Variants in GAS2L3 observed in about 807,000 individuals in gnomAD.
GAS2L3 encodes GAS2-like protein 3.
Under a neutral mutation model 37.0 loss-of-function variants are expected in GAS2L3, and 28 were observed. That is an observed-to-expected ratio of 0.76 (90% CI 0.56 to 1.04). The LOEUF (loss-of-function observed/expected upper bound fraction) is 1.04, where lower values mean the gene tolerates loss of function less well. Among genes scored for constraint, GAS2L3 ranks in the 50% least tolerant of loss-of-function variants. GAS2L3 has a pLI of 0.00. For missense variants in GAS2L3, 793 were observed against 817.6 expected (o/e 0.97, Z 0.37); for synonymous variants, 290 against 296.6 (o/e 0.98, Z 0.23).
chr12:100,602,065 A>T (rs1238182647), intron 5 of GAS2L3, among the ~76,000 whole-genome samples: 1 of 152,164 alleles, frequency 6.6e-6, no homozygotes, highest in African/African-American at 2.4e-5. Flanking sequence ...AGTGTCTAAC[A>T]TAGTGCTTGA....
At chr12:100,580,228 T>C (rs1263246270) in intron 1 of GAS2L3, 14 of 617,736 alleles carry the variant, frequency 2.3e-5, no homozygotes, top group Non-Finnish European at 4.1e-5. Context: ...ATTTTAAACA[T>C]TTGTAATAGT....
intron 8 of GAS2L3, among the ~76,000 whole-genome samples, chr12:100,619,409 C>T (rs1256908488): frequency 1.3e-5 from 2 of 151,874 alleles, no homozygotes; most frequent in African/African-American, 2.4e-5. Context: ...GTTGTTTGGA[C>T]TGTAGCATTT....
Position 100,622,266 on chromosome 12 carries a change from T to G in GAS2L3, c.649-9T>G, listed in dbSNP as rs766507047. 2 of 1,458,304 alleles carry G rather than the reference T, an allele frequency of 1.4e-6. No homozygotes were observed. The highest frequency in any genetic ancestry group is 1.9e-6 in the Non-Finnish European group (2 of 1,050,286). 90.3% of individuals were successfully genotyped at this position (1,458,304 alleles called of 1,614,324 possible). A position where few individuals can be genotyped will look rare whatever the true frequency, so the allele number is the denominator to read the frequency against. ...ACAAGCACTAAATTTTATTTGTTCG[T>G]CATCTTAGGTTAAACATATTGCTGA... On this transcript the variant is annotated splice_polypyrimidine_tract_variant and intron_variant, in intron 8 of 9. Transcript: ENST00000547754.
chr12:100,623,146 T>C (rs1956280161), intron 9 of GAS2L3, among the ~76,000 whole-genome samples: 2 of 152,202 alleles, frequency 1.3e-5, no homozygotes, highest in South Asian at 4.1e-4. Context: ...TTCTTTTAAT[T>C]AGCTTTCTGT....
chr12:100,613,084 A>G (rs892246245), intron 6 of GAS2L3, among the ~76,000 whole-genome samples: 1 of 152,190 alleles, frequency 6.6e-6, no homozygotes, highest in Non-Finnish European at 1.5e-5. Flanking sequence ...AGATGGGCTG[A>G]TCATTATTGA....
In GAS2L3 at chr12:100,612,136, G is replaced by A; in HGVS notation, c.440G>A (p.Gly147Asp). ...GAAACTTACCTCTTTGAATCTGAAG[G>A]TTTAGGTAAGTGATGTTCTTGTCAT... ...VDETYLFESE[G>D]LVLHKDPRQV... The change falls in exon 6 of 10, where the codon GGT (glycine) becomes GAT (aspartate). Residue 147 changes from glycine (G) to aspartate (D), a missense_variant. Gly to Asp is a moderately conservative substitution (Grantham distance 94). Transcript: ENST00000547754. 6.2e-7 allele frequency: 1 copy of A among 1,612,720 alleles called. No homozygotes were observed. The highest frequency in any genetic ancestry group is 8.5e-7 in the Non-Finnish European group (1 of 1,178,920).
Position 100,623,996 on chromosome 12 carries a change from T to C in GAS2L3, c.1191T>C (p.Ala397=). Residue 397 remains alanine, a synonymous_variant, in exon 10 of 10, where the codon GCT becomes GCC. Coordinates refer to ENST00000547754, the MANE Select transcript of GAS2L3 (RefSeq NM_174942.3). ...SSKGITKKPQ[A]PSNNASSSLA... ...AAGGCATAACGAAGAAACCGCAGGC[T>C]CCTTCAAACAATGCATCATCTTCAC... 6.2e-7 allele frequency: 1 copy of C among 1,613,950 alleles called. No individual in the cohort carries two copies. The highest frequency in any genetic ancestry group is 8.5e-7 in the Non-Finnish European group (1 of 1,179,958).
rs139542793 is a variant in GAS2L3, at chr12:100,606,724, C to T, written c.303+4971C>T. 2.3e-3 allele frequency among the ~76,000 whole-genome samples: 343 copies of T among 151,962 alleles called. 4 individuals carry two copies. In the East Asian group the frequency reaches 0.025, roughly 11 times the overall value. ...ATAACCCATTATTTTAAACTGATTA[C>T]GTAAGCAAATGAACTATTAATAGCA... On this transcript the variant is annotated intron_variant, in intron 5 of 9. Transcript: ENST00000547754.
chr12:100,587,791 G>A (rs187780439), intron 1 of GAS2L3, among the ~76,000 whole-genome samples: 14 of 152,306 alleles, frequency 9.2e-5, no homozygotes, highest in African/African-American at 1.7e-4. Context: ...GGTGGCTCAC[G>A]CCTGTAATCC....
rs534949148 is a variant in GAS2L3, at chr12:100,586,563, C to T, written c.-151-5173C>T. Among the ~76,000 whole-genome samples, 7 of 152,278 alleles carry T rather than the reference C, an allele frequency of 4.6e-5. No homozygotes were observed. In the South Asian group the frequency reaches 8.3e-4, roughly 18 times the overall value. ...GTAGTGACACAACCTATCAAAACCT[C>T]TAGGATACAGCAAAGGCGGTGCTAA... On this transcript the variant is annotated intron_variant, in intron 1 of 9. Coordinates refer to ENST00000547754, the MANE Select transcript of GAS2L3 (RefSeq NM_174942.3).
chr12:100,623,558 G>T lies in GAS2L3; in HGVS notation c.757-4G>T. Reference sequence around the variant, plus strand: ...CTTTACTTTTTGTTTTCCTTTGGGGGCAGATGCTTCATGGAAAACATGTCA... The same window carrying T: ...CTTTACTTTTTGTTTTCCTTTGGGGTCAGATGCTTCATGGAAAACATGTCA... On this transcript the variant is annotated splice_region_variant and splice_polypyrimidine_tract_variant and intron_variant, in intron 9 of 9. Coordinates refer to ENST00000547754, the MANE Select transcript of GAS2L3 (RefSeq NM_174942.3). 1.3e-6 allele frequency: 2 copies of T among 1,589,280 alleles called. No individual in the cohort carries two copies. The highest frequency in any genetic ancestry group is 1.7e-6 in the Non-Finnish European group (2 of 1,169,588).
Position 100,602,824 on chromosome 12 carries a change from G to A in GAS2L3, c.303+1071G>A, listed in dbSNP as rs1250662730. ...CAACCCTTCCCAGCCTCTGCTAACC[G>A]TCCTTCTACTATCTCCGTGAGTTCA... On this transcript the variant is annotated intron_variant, in intron 5 of 9. Coordinates refer to ENST00000547754, the MANE Select transcript of GAS2L3 (RefSeq NM_174942.3). 4.0e-5 allele frequency among the ~76,000 whole-genome samples: 6 copies of A among 151,886 alleles called. No homozygotes were observed. The South Asian group carries it at 6.2e-4, about 16-fold the overall frequency.
intron 5 of GAS2L3, among the ~76,000 whole-genome samples, chr12:100,610,697 A>G (rs1956116977): frequency 6.6e-6 from 1 of 152,180 alleles, no homozygotes; most frequent in African/African-American, 2.4e-5. Flanking sequence ...TTAATATCCT[A>G]CTGTACCTAC....
At chr12:100,606,304 G>A (rs1196731682) in intron 5 of GAS2L3, among the ~76,000 whole-genome samples, 1 of 151,852 alleles carries the variant, frequency 6.6e-6, no homozygotes, top group East Asian at 1.9e-4. Flanking sequence ...TATAAATATA[G>A]CTACTACTGT....
At chr12:100,607,550 A>G (rs559520323) in intron 5 of GAS2L3, among the ~76,000 whole-genome samples, 14 of 152,220 alleles carry the variant, frequency 9.2e-5, no homozygotes, top group Non-Finnish European at 1.8e-4. Flanking sequence ...TTTAAGGCCA[A>G]TAACTCTTAG....
In GAS2L3 at chr12:100,611,468, T is replaced by G. The variant is rs537571837; in HGVS notation, c.304-532T>G. ...TACTGCTAATTTTGACCAAATCATT[T>G]TTCTAGGAATCATTTTCTGGAATAT... On this transcript the variant is annotated intron_variant, in intron 5 of 9. Coordinates refer to ENST00000547754, the MANE Select transcript of GAS2L3 (RefSeq NM_174942.3). 3.3e-5 allele frequency among the ~76,000 whole-genome samples: 5 copies of G among 152,326 alleles called. No homozygotes were observed. The South Asian group carries it at 1.0e-3, about 32-fold the overall frequency.
chr12:100,577,506 A>G (rs985683329), intron 1 of GAS2L3, among the ~76,000 whole-genome samples: 1 of 152,226 alleles, frequency 6.6e-6, no homozygotes, highest in Non-Finnish European at 1.5e-5. Flanking sequence ...GATTCTCAAC[A>G]AAGTCTCTAT....
At chr12:100,574,263 T>A (rs571519131) in intron 1 of GAS2L3, among the ~76,000 whole-genome samples, 10 of 152,304 alleles carry the variant, frequency 6.6e-5, no homozygotes, top group Non-Finnish European at 1.5e-4. Flanking sequence ...TGATGAAGTC[T>A]CTGGCCCTGC....
intron 4 of GAS2L3, among the ~76,000 whole-genome samples, chr12:100,601,294 T>A (rs1391950751): frequency 6.6e-6 from 1 of 152,148 alleles, no homozygotes; most frequent in East Asian, 1.9e-4. Context: ...GTATTTGTTA[T>A]GGTATTGTCT....
Sources: allele counts gnomAD v4.1 joint callset (sites outside exome capture counted in the v4.1 genomes callset), GRCh38; gene constraint gnomAD v4.1.1; transcripts MANE v1.5; gene names NCBI Gene and HGNC (gene_info 2026-07-23, HGNC 2026-07-21).